Variants in DOK5 observed in about 807,000 individuals in gnomAD.
The protein encoded by DOK5 is downstream of tyrosine kinase 5.
DOK5 carries 27 observed loss-of-function variants against 43.3 expected under a neutral mutation model. That is an observed-to-expected ratio of 0.62 (90% confidence interval 0.46 to 0.86). The LOEUF is 0.86. DOK5 is among the 40% of genes least tolerant of loss of function. The pLI is 0.00. For missense variants in DOK5, 373 were observed against 392.9 expected (o/e 0.95, Z 0.43); for synonymous variants, 146 against 140.1 (o/e 1.04, Z -0.30).
At chr20:54,605,977 G>C (rs1986457254) in intron 5 of DOK5, among the ~76,000 whole-genome samples, 1 of 152,208 alleles carries the variant, frequency 6.6e-6, no homozygotes, top group Non-Finnish European at 1.5e-5. Context: ...TTAGATAGCT[G>C]ACAGTAGGTC....
At chr20:54,645,925 C>CAAAAAAAAAAAAAAAAAAAAAAAA (rs550943378) in intron 7 of DOK5, among the ~76,000 whole-genome samples, 17 of 85,876 alleles carry the variant, frequency 2.0e-4, no homozygotes, top group African/African-American at 4.8e-4. Context: ...GCAGATGCTG[C>CAAAAAAAAAAAAAAAAAAAAAAAA]AAAAAAAAAA....
At chr20:54,564,238 A>G (rs1192622966) in intron 2 of DOK5, among the ~76,000 whole-genome samples, 1 of 152,108 alleles carries the variant, frequency 6.6e-6, no homozygotes, top group Non-Finnish European at 1.5e-5. Flanking sequence ...CCTGGCTAAC[A>G]CGGTGAAACC....
chr20:54,517,226 T>C (rs1403023628), intron 1 of DOK5, among the ~76,000 whole-genome samples: 1 of 152,226 alleles, frequency 6.6e-6, no homozygotes, highest in Admixed American at 6.5e-5. Context: ...CAGCAATTGG[T>C]TAACCTATTT....
chr20:54,597,164 A>C (rs1423559959), intron 5 of DOK5, among the ~76,000 whole-genome samples: 1 of 152,218 alleles, frequency 6.6e-6, no homozygotes, highest in East Asian at 1.9e-4. Flanking sequence ...AAAACAAATA[A>C]GGTCAAGAGG....
intron 5 of DOK5, among the ~76,000 whole-genome samples, chr20:54,603,607 A>G (rs1018456027): frequency 2.0e-5 from 3 of 152,204 alleles, no homozygotes; most frequent in African/African-American, 7.2e-5. Flanking sequence ...TTTGGTTGTT[A>G]AACTGCAGGG....
At chr20:54,486,339 T>A (rs1322382103) in intron 1 of DOK5, among the ~76,000 whole-genome samples, 1 of 150,732 alleles carries the variant, frequency 6.6e-6, no homozygotes, top group Non-Finnish European at 1.5e-5. Flanking sequence ...TGTCTATATA[T>A]GTCTATATAT....
At chr20:54,631,971 AAAAAC>A (rs1393487233) in intron 6 of DOK5, among the ~76,000 whole-genome samples, 3 of 152,160 alleles carry the variant, frequency 2.0e-5, no homozygotes, top group Non-Finnish European at 4.4e-5. Flanking sequence ...ACTCCGTCTC[AAAAAC>A]AAAACAAAAC....
At chr20:54,646,970 T>C (rs1339658744) in intron 7 of DOK5, among the ~76,000 whole-genome samples, 3 of 151,930 alleles carry the variant, frequency 2.0e-5, no homozygotes, top group Non-Finnish European at 4.4e-5. Context: ...TTTAACAAAT[T>C]GGTTTGAGAA....
At chr20:54,497,580 A>G (rs562007685) in intron 1 of DOK5, among the ~76,000 whole-genome samples, 70 of 152,344 alleles carry the variant, frequency 4.6e-4, no homozygotes, top group Middle Eastern at 3.4e-3. Context: ...TCCATTTGCT[A>G]TATCTTGTAG....
chr20:54,552,548 C>T (rs1259837429), intron 1 of DOK5, among the ~76,000 whole-genome samples: 2 of 151,896 alleles, frequency 1.3e-5, no homozygotes, highest in Non-Finnish European at 2.9e-5. Flanking sequence ...ATATGTACTA[C>T]ATGTTTACTA....
At chr20:54,561,926 G>C (rs1047940570) in intron 2 of DOK5, among the ~76,000 whole-genome samples, 1 of 152,158 alleles carries the variant, frequency 6.6e-6, no homozygotes, top group African/African-American at 2.4e-5. Flanking sequence ...CAAAGTGCTG[G>C]GATTACAGGC....
intron 1 of DOK5, among the ~76,000 whole-genome samples, chr20:54,513,666 G>C (rs541913535): frequency 2.6e-5 from 4 of 152,270 alleles, no homozygotes; most frequent in African/African-American, 9.6e-5. Context: ...AGTTGAAGAA[G>C]AGTGGGCTGT....
chr20:54,604,352 G>C (rs931384243), intron 5 of DOK5, among the ~76,000 whole-genome samples: 52 of 150,970 alleles, frequency 3.4e-4, no homozygotes, highest in African/African-American at 1.3e-3. Context: ...CAGGTGCTTC[G>C]GATCTGTTTC....
chr20:54,481,754 C>T (rs2146657070), intron 1 of DOK5, among the ~76,000 whole-genome samples: 1 of 152,342 alleles, frequency 6.6e-6, no homozygotes, highest in African/African-American at 2.4e-5. Context: ...TAGGCTCTGA[C>T]ATGTGACTGC....
At chr20:54,610,003 A>G (rs865791681) in intron 5 of DOK5, among the ~76,000 whole-genome samples, 3 of 152,222 alleles carry the variant, frequency 2.0e-5, no homozygotes, top group Admixed American at 6.5e-5. Context: ...GCAGTTTCTG[A>G]TGAGGAGCTA....
chr20:54,612,283 C>T (rs994018779), intron 6 of DOK5, among the ~76,000 whole-genome samples: 15 of 152,038 alleles, frequency 9.9e-5, no homozygotes, highest in South Asian at 2.1e-4. Context: ...CCAGTGCTGA[C>T]GTAAGCATTT....
intron 6 of DOK5, among the ~76,000 whole-genome samples, chr20:54,632,698 AG>A (rs1185832476): frequency 6.6e-6 from 1 of 152,232 alleles, no homozygotes; most frequent in African/African-American, 2.4e-5. Flanking sequence ...ATTGTTCTAA[AG>A]GTAATAAATA....
intron 1 of DOK5, among the ~76,000 whole-genome samples, chr20:54,498,435 G>A (rs1381365637): frequency 6.6e-6 from 1 of 152,166 alleles, no homozygotes; most frequent in Non-Finnish European, 1.5e-5. Flanking sequence ...GTTTGTCAAA[G>A]GAGAGAAAGA....
intron 1 of DOK5, among the ~76,000 whole-genome samples, chr20:54,504,124 T>C (rs934896693): frequency 3.9e-5 from 6 of 152,222 alleles, no homozygotes; most frequent in African/African-American, 1.2e-4. Flanking sequence ...CACCTTCACC[T>C]TCCCACATCC....
Sources: gnomAD v4.1 joint callset for allele counts (sites outside exome capture counted in the v4.1 genomes callset) on GRCh38, gnomAD v4.1.1 for gene constraint, MANE v1.5 for transcripts, NCBI Gene and HGNC (gene_info 2026-07-23, HGNC 2026-07-21) for gene names.